The following CACNA2D3 variants were observed in gnomAD, a reference collection of about 807,000 sequenced individuals.
CACNA2D3 encodes the protein calcium voltage-gated channel auxiliary subunit alpha2delta 3, also known as voltage-dependent calcium channel subunit alpha-2/delta-3.
A neutral mutation model predicts 160.6 loss-of-function variants in CACNA2D3; 60 were observed. The observed-to-expected ratio is 0.37, with a 90% CI of 0.30 to 0.46. The LOEUF (loss-of-function observed/expected upper bound fraction) is 0.46, where lower values mean the gene tolerates loss of function less well. CACNA2D3 is among the 20% of genes least tolerant of loss of function. The probability of loss-of-function intolerance (pLI) is 1.00; values close to 1 mark genes in which losing one functional copy is unlikely to be tolerated. For missense variants in CACNA2D3, 1,205 were observed against 1,365.0 expected, an observed-to-expected ratio of 0.88 and a Z score of 1.85; for synonymous variants, 558 against 492.9, an observed-to-expected ratio of 1.13 and a Z score of -1.75.
chr3:54,392,022 CA>C (rs1219943186), intron 4 of CACNA2D3, among the ~76,000 whole-genome samples: 2 of 152,182 alleles, frequency 1.3e-5, no homozygotes, highest in African/African-American at 4.8e-5. Context: ...TGCGAATTAA[CA>C]TAGGCTTTTC....
intron 14 of CACNA2D3, among the ~76,000 whole-genome samples, chr3:54,820,197 T>C (rs1262914108): frequency 6.6e-6 from 1 of 152,200 alleles, no homozygotes; most frequent in Non-Finnish European, 1.5e-5. Flanking sequence ...GACTCTGCCT[T>C]TGTATCATCT....
chr3:54,278,549 G>A (rs576241246), intron 2 of CACNA2D3, among the ~76,000 whole-genome samples: 1 of 152,282 alleles, frequency 6.6e-6, no homozygotes, highest in African/African-American at 2.4e-5. Flanking sequence ...GTTTATTGCA[G>A]CACTATTCAC....
In CACNA2D3 at chr3:54,136,971, T is replaced by C. The variant is rs539147624; in HGVS notation, c.204+13377T>C. Reference sequence around the variant, plus strand: ...GGCTTTCCCTAAAGAGACTCAGTCATTCCCTCCCTTCCATTCTGGCCTATG... The same window carrying C: ...GGCTTTCCCTAAAGAGACTCAGTCACTCCCTCCCTTCCATTCTGGCCTATG... On this transcript the variant is annotated intron_variant, in intron 2 of 37. Transcript: ENST00000474759. Among the ~76,000 whole-genome samples the C allele has an allele frequency of 1.1e-3, 162 of 152,304 alleles. 1 individual carries two copies. Among genetic ancestry groups the C allele is most frequent in the Non-Finnish European group, 1.9e-3 (128 of 68,022 alleles).
chr3:55,002,924 T>C (rs1264078853), intron 31 of CACNA2D3, among the ~76,000 whole-genome samples: 2 of 152,206 alleles, frequency 1.3e-5, no homozygotes, highest in African/African-American at 4.8e-5. Context: ...CATTTTGCAG[T>C]TGACCACTTT....
intron 4 of CACNA2D3, among the ~76,000 whole-genome samples, chr3:54,494,666 A>G (rs1701174991): frequency 6.6e-6 from 1 of 152,160 alleles, no homozygotes; most frequent in Admixed American, 6.5e-5. Context: ...AGGGTGCTGT[A>G]TTAGTCTGTT....
At chr3:54,643,785 C>T (rs377737713) in intron 11 of CACNA2D3, among the ~76,000 whole-genome samples, 9 of 152,306 alleles carry the variant, frequency 5.9e-5, no homozygotes, top group African/African-American at 2.2e-4. Context: ...GCCTAATGCA[C>T]AGCCCTGCCA....
At chr3:54,460,045 G>T (rs1328679398) in intron 4 of CACNA2D3, among the ~76,000 whole-genome samples, 1 of 151,766 alleles carries the variant, frequency 6.6e-6, no homozygotes, top group Non-Finnish European at 1.5e-5. Flanking sequence ...TTTCCCCATT[G>T]CTTGTTTTTC....
chr3:54,798,900 G>A (rs1216073567), intron 13 of CACNA2D3, among the ~76,000 whole-genome samples: 2 of 152,188 alleles, frequency 1.3e-5, no homozygotes, highest in African/African-American at 4.8e-5. Flanking sequence ...TTTTGCCCTT[G>A]CTCCATTACT....
chr3:54,590,408 G>A (rs1702836244), intron 9 of CACNA2D3, among the ~76,000 whole-genome samples: 1 of 152,104 alleles, frequency 6.6e-6, no homozygotes, highest in Non-Finnish European at 1.5e-5. Context: ...CAGATTAGTG[G>A]TTGCCAGGGG....
At chr3:54,800,058 T>C (rs912491773) in intron 13 of CACNA2D3, among the ~76,000 whole-genome samples, 1 of 152,184 alleles carries the variant, frequency 6.6e-6, no homozygotes, top group Non-Finnish European at 1.5e-5. Context: ...AACCAGCAGC[T>C]TAGAGCATCC....
At chr3:54,407,295 G>GATATAT (rs1699593855) in intron 4 of CACNA2D3, among the ~76,000 whole-genome samples, 1 of 152,112 alleles carries the variant, frequency 6.6e-6, no homozygotes, top group African/African-American at 2.4e-5. Flanking sequence ...CAAAATAGGG[G>GATATAT]TCACATCTGT....
At chr3:54,942,064 T>C (rs927778624) in intron 27 of CACNA2D3, among the ~76,000 whole-genome samples, 18 of 152,202 alleles carry the variant, frequency 1.2e-4, no homozygotes, top group Admixed American at 3.9e-4. Flanking sequence ...CTCAGTCACA[T>C]AGGAACTTCA....
rs374971619 is a variant in CACNA2D3, at chr3:54,342,065, A to T, written c.321+21507A>T. 9.8e-5 allele frequency among the ~76,000 whole-genome samples: 15 copies of T among 152,322 alleles called. No individual in the cohort carries two copies. The East Asian group carries it at 2.5e-3, about 25-fold the overall frequency. ...CACAGAGCTATTAAGTTATTTGCCA[A>T]AGAATACACAGTTGGCAAGTGGGTG... On this transcript the variant is annotated intron_variant, in intron 3 of 37. Transcript: ENST00000474759.
intron 17 of CACNA2D3, among the ~76,000 whole-genome samples, chr3:54,866,921 T>C (rs1160648947): frequency 1.3e-5 from 2 of 152,224 alleles, no homozygotes; most frequent in African/African-American, 2.4e-5. Context: ...CCTCGAAGTA[T>C]TTCATAGCAC....
intron 27 of CACNA2D3, among the ~76,000 whole-genome samples, chr3:54,912,294 C>T (rs570699765): frequency 3.7e-4 from 57 of 152,218 alleles, no homozygotes; most frequent in African/African-American, 1.1e-3. Context: ...TTGTTTGAAG[C>T]GAGTCACTAG....
At chr3:54,455,532 A>T (rs1473566278) in intron 4 of CACNA2D3, among the ~76,000 whole-genome samples, 2 of 151,248 alleles carry the variant, frequency 1.3e-5, no homozygotes, top group Admixed American at 6.6e-5. Context: ...TTGTCTTTTC[A>T]CTCTATTGAT....
intron 4 of CACNA2D3, among the ~76,000 whole-genome samples, chr3:54,475,834 T>TGTGTGTGTGTGTGTGTGTGA (rs1700820611): frequency 6.6e-6 from 1 of 151,570 alleles, no homozygotes; most frequent in Non-Finnish European, 1.5e-5. Context: ...TGTGTGTGTG[T>TGTGTGTGTGTGTGTGTGTGA]GTGACAGAGA....
chr3:55,033,517 A>G (rs1230230065), intron 35 of CACNA2D3, among the ~76,000 whole-genome samples: 2 of 149,808 alleles, frequency 1.3e-5, no homozygotes, highest in East Asian at 2.0e-4. Flanking sequence ...AACACAGTGT[A>G]TATATTGTAC....
rs961774568 is a variant in CACNA2D3 at position 54,745,813 on chromosome 3, T to C, written c.1168-6786T>C. On this transcript the variant is annotated intron_variant, in intron 11 of 37. Transcript: ENST00000474759. The stretch of plus-strand genomic sequence containing the variant: ...ACAAAGAATAATTTTTTTTTCTGAA[T>C]TGGAATTTTTTTTTCAATACCGCAC... Among the ~76,000 whole-genome samples, 8 of 152,196 alleles carry C rather than the reference T, an allele frequency of 5.3e-5. No individual in the cohort carries two copies. The East Asian group carries it at 1.5e-3, about 29-fold the overall frequency.
Sources: gnomAD v4.1 joint callset for allele counts (sites outside exome capture counted in the v4.1 genomes callset) on GRCh38, gnomAD v4.1.1 for gene constraint, MANE v1.5 for transcripts, NCBI Gene and HGNC (gene_info 2026-07-23, HGNC 2026-07-21) for gene names.